SEMA6D: variants seen among roughly 807,000 people sequenced by gnomAD.
SEMA6D encodes semaphorin-6D.
Under a neutral mutation model 106.6 loss-of-function variants are expected in SEMA6D, and 35 were observed. The observed-to-expected ratio is 0.33, with a 90% CI of 0.25 to 0.44. The LOEUF is 0.44. Ranked by LOEUF, SEMA6D falls within the 20% of genes least tolerant of loss-of-function variation. SEMA6D has a pLI of 1.00. For synonymous variants in SEMA6D, 499 were observed against 487.7 expected, an observed-to-expected ratio of 1.02 and a Z score of -0.31; for missense variants, 1,185 against 1,345.9, an observed-to-expected ratio of 0.88 and a Z score of 1.87.
At chr15:47,561,854 C>T (rs1208262549) in intron 3 of SEMA6D, among the ~76,000 whole-genome samples, 1 of 151,784 alleles carries the variant, frequency 6.6e-6, no homozygotes, top group African/African-American at 2.4e-5. Context: ...AGCAAAGTTG[C>T]CATGTTTTAC....
chr15:47,766,122 G>A lies in SEMA6D; in HGVS notation c.1586G>A (p.Arg529His), dbSNP rs568897240. 21 of 1,613,666 alleles carry A rather than the reference G, an allele frequency of 1.3e-5. No individual in the cohort carries two copies. Among genetic ancestry groups the A allele is most frequent in the Middle Eastern group, 1.7e-4 (1 of 6,056 alleles). The change falls in exon 15 of 19, where the codon CGT becomes CAT. Residue 529 changes from arginine (R) to histidine (H), a missense_variant. By Grantham distance (29) the Arg-to-His change is conservative (BLOSUM62 0). Transcript: ENST00000536845. The stretch of plus-strand genomic sequence containing the variant: ...TTACACAGGTCTTGTATTGCATCTC[G>A]TGACCCGTATTGTGGCTGGTTAAGC... ...GSCKKSCIAS[R>H]DPYCGWLSQG...
chr15:47,407,394 C>CA (rs1567058099), intron 1 of SEMA6D, among the ~76,000 whole-genome samples: 3 of 83,554 alleles, frequency 3.6e-5, no homozygotes, highest in East Asian at 3.5e-4. Context: ...AAAACCAAAA[C>CA]AACAACAACA....
intron 3 of SEMA6D, among the ~76,000 whole-genome samples, chr15:47,580,735 T>C (rs921186225): frequency 2.0e-5 from 3 of 152,192 alleles, no homozygotes; most frequent in African/African-American, 7.2e-5. Context: ...CCTGATCTTA[T>C]GGAGATTAAA....
intron 4 of SEMA6D, among the ~76,000 whole-genome samples, chr15:47,625,778 A>G (rs2144348173): frequency 6.6e-6 from 1 of 152,094 alleles, no homozygotes; most frequent in African/African-American, 2.4e-5. Flanking sequence ...TTTATGAATT[A>G]TATGCATGAT....
At chr15:47,640,379 T>A (rs900354771) in intron 4 of SEMA6D, among the ~76,000 whole-genome samples, 1 of 152,176 alleles carries the variant, frequency 6.6e-6, no homozygotes, top group Non-Finnish European at 1.5e-5. Context: ...CGGTCTGTAA[T>A]CTTCAAAATC....
At chr15:47,667,524 T>A (rs998575349) in intron 4 of SEMA6D, among the ~76,000 whole-genome samples, 1 of 152,200 alleles carries the variant, frequency 6.6e-6, no homozygotes, top group African/African-American at 2.4e-5. Flanking sequence ...AGTGTTTTAG[T>A]CTGATCGGGC....
chr15:47,242,863 A>G (rs115483799), intron 1 of SEMA6D, among the ~76,000 whole-genome samples: 2,032 of 152,274 alleles, frequency 0.013, 54 homozygotes, highest in African/African-American at 0.047. Flanking sequence ...TACTATGCAT[A>G]GTATAGATGT....
At chr15:47,440,633 G>T (rs552921927) in intron 2 of SEMA6D, among the ~76,000 whole-genome samples, 36 of 151,806 alleles carry the variant, frequency 2.4e-4, no homozygotes, top group African/African-American at 8.5e-4. Context: ...CAAATATTCA[G>T]TGGTGCTGAA....
intron 1 of SEMA6D, among the ~76,000 whole-genome samples, chr15:47,341,199 G>T (rs2037798464): frequency 6.6e-6 from 1 of 152,010 alleles, no homozygotes; most frequent in Admixed American, 6.5e-5. Context: ...AGACCAGCCT[G>T]GCCAACATGG....
At chr15:47,411,435 G>C (rs114212061) in intron 1 of SEMA6D, among the ~76,000 whole-genome samples, 381 of 152,092 alleles carry the variant, frequency 2.5e-3, no homozygotes, top group African/African-American at 8.9e-3. Flanking sequence ...CTATAGTTCT[G>C]CTTCATTTTA....
At chr15:47,720,850 C>T (rs2079383627) in intron 1 of SEMA6D, among the ~76,000 whole-genome samples, 1 of 152,160 alleles carries the variant, frequency 6.6e-6, no homozygotes, top group African/African-American at 2.4e-5. Flanking sequence ...TCATTTTTCA[C>T]CCTTTTGATG....
At chr15:47,405,893 G>C (rs891851215) in intron 1 of SEMA6D, among the ~76,000 whole-genome samples, 1 of 152,048 alleles carries the variant, frequency 6.6e-6, no homozygotes, top group Non-Finnish European at 1.5e-5. Flanking sequence ...CCAGGCATCT[G>C]GTAGCTCCAA....
chr15:47,218,706 C>A (rs1289236943), intron 1 of SEMA6D, among the ~76,000 whole-genome samples: 1 of 152,182 alleles, frequency 6.6e-6, no homozygotes, highest in Non-Finnish European at 1.5e-5. Context: ...ACATAGGGAA[C>A]TGGAAATGTA....
chr15:47,274,187 T>C (rs2034695685), intron 1 of SEMA6D: 1 of 152,112 alleles, frequency 6.6e-6, no homozygotes, highest in South Asian at 2.1e-4. Context: ...TTGTTTAAGA[T>C]GCTCAGCAAA....
intron 3 of SEMA6D, among the ~76,000 whole-genome samples, chr15:47,513,110 T>G (rs2044281901): frequency 6.6e-6 from 1 of 152,040 alleles, no homozygotes; most frequent in Non-Finnish European, 1.5e-5. Context: ...AGTGAACTAT[T>G]AATGGAAATG....
chr15:47,230,512 AC>A (rs1205330003), intron 1 of SEMA6D, among the ~76,000 whole-genome samples: 1 of 151,966 alleles, frequency 6.6e-6, no homozygotes, highest in Admixed American at 6.6e-5. Flanking sequence ...AGTACCTAAC[AC>A]AAGTGGTAGG....
intron 1 of SEMA6D, among the ~76,000 whole-genome samples, chr15:47,211,022 T>C (rs1218054711): frequency 6.6e-6 from 1 of 152,148 alleles, no homozygotes; most frequent in Non-Finnish European, 1.5e-5. Flanking sequence ...AAATTTTAAA[T>C]TGTACATAAG....
intron 3 of SEMA6D, among the ~76,000 whole-genome samples, chr15:47,581,815 C>T (rs2076259291): frequency 1.3e-5 from 2 of 152,198 alleles, no homozygotes; most frequent in African/African-American, 4.8e-5. Context: ...GCTCTATTTA[C>T]AGATGAGTAT....
chr15:47,672,506 C>T (rs117572002), intron 4 of SEMA6D, among the ~76,000 whole-genome samples: 1 of 152,236 alleles, frequency 6.6e-6, no homozygotes, highest in Non-Finnish European at 1.5e-5. Context: ...GTTATATCCT[C>T]AATTTTAAGA....
Sources: gnomAD v4.1 joint callset for allele counts (sites outside exome capture counted in the v4.1 genomes callset) on GRCh38, gnomAD v4.1.1 for gene constraint, MANE v1.5 for transcripts, NCBI Gene and HGNC (gene_info 2026-07-23, HGNC 2026-07-21) for gene names.